Variants in PPL observed in about 807,000 individuals in gnomAD.
PPL encodes periplakin.
PPL carries 198 observed loss-of-function variants against 194.4 expected under a neutral mutation model. The observed-to-expected ratio is 1.02, with a 90% CI of 0.91 to 1.15. The LOEUF (loss-of-function observed/expected upper bound fraction) is 1.15. Among genes scored for constraint, PPL ranks in the 50% most tolerant of loss-of-function variants. PPL has a pLI of 0.00. For missense variants in PPL, 2,885 were observed against 2,294.8 expected (o/e 1.26, Z -5.25); for synonymous variants, 1,220 against 972.4 (o/e 1.25, Z -4.74).
Position 4,885,976 on chromosome 16 carries a change from C to G in PPL, c.2679G>C (p.Trp893Cys). Residue 893 changes from tryptophan to cysteine, a missense_variant, in exon 22 of 22, where the codon TGG (tryptophan) becomes TGC (cysteine). Physicochemically the swap from Trp to Cys is radical, Grantham distance 215. Transcript: ENST00000345988. This position sits in a 1 kb window ranked among gnomAD's most constrained non-coding sequence, Gnocchi z 6.3. ...NRPDSGVEEA[W>C]KIRKELDEET... is the part of the protein sequence containing the mutation. ...CCTCATCCAGTTCCTTCCTGATCTT[C>G]CACGCCTCCTCCACTCCAGAGTCCG... 6.2e-7 allele frequency: 1 copy of G among 1,611,058 alleles called. No homozygotes were observed. Among genetic ancestry groups the G allele is most frequent in the Non-Finnish European group, 8.5e-7 (1 of 1,180,042 alleles).
chr16:4,917,593 C>A (rs2088950987), intron 1 of PPL, among the ~76,000 whole-genome samples: 1 of 152,076 alleles, frequency 6.6e-6, no homozygotes, highest in Non-Finnish European at 1.5e-5. Context: ...GGCTGTACAA[C>A]TCTGTGACTA....
At chr16:4,920,641 T>G (rs2089031744) in intron 1 of PPL, among the ~76,000 whole-genome samples, 2 of 152,142 alleles carry the variant, frequency 1.3e-5, no homozygotes, top group Non-Finnish European at 2.9e-5. Context: ...TTTTGTATTT[T>G]TAGTAGAGAC....
intron 8 of PPL, 108 bp from the exon 9 acceptor site, chr16:4,897,878 G>T: frequency 2.4e-6 from 2 of 845,766 alleles, no homozygotes; most frequent in Non-Finnish European, 3.8e-6. Context: ...GAGGCATCTG[G>T]CATCTGTCTG....
chr16:4,928,896 A>G (rs1305418252), intron 1 of PPL, among the ~76,000 whole-genome samples: 1 of 151,748 alleles, frequency 6.6e-6, no homozygotes, highest in East Asian at 1.9e-4. Flanking sequence ...CTGTAATCCC[A>G]GCTACTTGGG....
At chr16:4,903,853 G>GCTC in intron 3 of PPL, 33 bp downstream of exon 3, 1 of 1,610,382 alleles carries the variant, frequency 6.2e-7, no homozygotes, top group Non-Finnish European at 8.5e-7. Context: ...GCCCCCAATG[G>GCTC]CTCCCCTGGG....
rs192905942 is a variant in PPL at position 4,890,178 on chromosome 16, T to C, written c.2313+6A>G. 1,500 of 1,614,132 alleles carry C rather than the reference T, an allele frequency of 9.3e-4. 2 individuals carry two copies. The highest frequency in any genetic ancestry group is 1.2e-3 in the Non-Finnish European group (1,371 of 1,180,030). ...GTGCCTGGGGCTGCGGAAACGGCCA[T>C]CTCACCTTCTGGTTCTTCAGCTTGG... On this transcript the variant is annotated splice_donor_region_variant and intron_variant, in intron 18 of 21. Coordinates refer to ENST00000345988, the MANE Select transcript of PPL (RefSeq NM_002705.5).
In PPL at chr16:4,890,743, T is replaced by C. The variant is rs774843315; in HGVS notation, c.2147A>G (p.Gln716Arg). Residue 716 changes from glutamine (Q) to arginine (R), a missense_variant, in exon 17 of 22, where the codon CAG becomes CGG. By Grantham distance (43) the Gln-to-Arg change is conservative (BLOSUM62 1). Coordinates refer to ENST00000345988, the MANE Select transcript of PPL (RefSeq NM_002705.5). ...KLGQRFNNLRQQVERRAQSLQ... is the reference protein window; with the variant it reads ...KLGQRFNNLRRQVERRAQSLQ... The stretch of plus-strand genomic sequence containing the variant: ...GCACCCTCACCTGCGTTCCACCTGC[T>C]GGCGCAGGTTGTTGAAACGCTGGCC... The C allele has an allele frequency of 3.1e-6, 5 of 1,607,060 alleles. No individual in the cohort carries two copies. In the South Asian group the frequency reaches 5.5e-5, roughly 18 times the overall value.
At chr16:4,912,835 G>A (rs949044646) in intron 1 of PPL, among the ~76,000 whole-genome samples, 2 of 152,208 alleles carry the variant, frequency 1.3e-5, no homozygotes, top group South Asian at 2.1e-4. Context: ...CCGGTGTGGT[G>A]GCTCATACCT....
chr16:4,921,331 G>A (rs1006561103), intron 1 of PPL, among the ~76,000 whole-genome samples: 2 of 152,222 alleles, frequency 1.3e-5, no homozygotes, highest in African/African-American at 4.8e-5. Flanking sequence ...GCTTGAGCCT[G>A]AACAGCCATC....
chr16:4,920,047 AG>A (rs780347438), intron 1 of PPL, among the ~76,000 whole-genome samples: 13 of 151,984 alleles, frequency 8.6e-5, no homozygotes, highest in Non-Finnish European at 1.6e-4. Context: ...GCACTTTGGG[AG>A]GCCGAGGCAG....
intron 20 of PPL, among the ~76,000 whole-genome samples, 159 bp downstream of exon 20, chr16:4,887,943 C>G (rs1406227812): frequency 2.6e-5 from 4 of 152,230 alleles, no homozygotes; most frequent in Admixed American, 2.0e-4. Context: ...GAACAAGTTC[C>G]TCATCTCTTA....
intron 11 of PPL, 35 bp from the exon 12 acceptor site, chr16:4,894,653 C>T: frequency 1.2e-6 from 2 of 1,603,172 alleles, no homozygotes; most frequent in Non-Finnish European, 1.7e-6. Flanking sequence ...AGGATCCCGG[C>T]AGGGCCTGAG....
chr16:4,904,631 C>T (rs930207891), intron 2 of PPL, among the ~76,000 whole-genome samples: 4 of 152,086 alleles, frequency 2.6e-5, no homozygotes, highest in African/African-American at 7.2e-5. Flanking sequence ...GAGCGAGCTA[C>T]GACTGGGCCA....
Position 4,910,939 on chromosome 16 carries a change from T to C in PPL, c.73A>G (p.Lys25Glu), listed in dbSNP as rs749755844. Residue 25 changes from lysine to glutamate, a missense_variant, in exon 2 of 22, where the codon AAG (lysine) becomes GAG (glutamate). Lys to Glu is a moderately conservative substitution (Grantham distance 56, BLOSUM62 1). Coordinates refer to ENST00000345988, the MANE Select transcript of PPL (RefSeq NM_002705.5). ...PTVQTRSISN[K>E]ELSELIEQLQ... ...TGCTCGATCAGCTCCGAGAGCTCCT[T>C]GTTAGAGATGCTGCGGGCAGAAGCC... 1.1e-5 allele frequency: 18 copies of C among 1,612,446 alleles called. No individual in the cohort carries two copies. Among genetic ancestry groups the C allele is most frequent in the Middle Eastern group, 1.7e-4 (1 of 6,010 alleles).
At chr16:4,893,487 AGC>A (rs1303955532) in intron 13 of PPL, 52 bp downstream of exon 13, 27 of 1,601,776 alleles carry the variant, frequency 1.7e-5, no homozygotes, top group Admixed American at 3.4e-5. Flanking sequence ...ACCCTGGTCC[AGC>A]CCCTCCTCCC....
rs369008059 is a variant in PPL at position 4,883,681 on chromosome 16, G to A, written c.4974C>T (p.Ile1658=). 9.9e-6 allele frequency: 16 copies of A among 1,614,110 alleles called. No individual in the cohort carries two copies. Among genetic ancestry groups the A allele is most frequent in the East Asian group, 8.9e-5 (4 of 44,876 alleles). ...GGCCTGTGTCAGGGTGGATGACTAC[G>A]ATGGAGCGCCGCAGGTGGTTCTCCC... is the stretch of plus-strand genomic sequence containing the variant. ...EQRENHLRRS[I]VVIHPDTGRE... is the part of the protein sequence containing the mutation. Residue 1658 remains isoleucine, a synonymous_variant, in exon 22 of 22, where the codon ATC becomes ATT. Coordinates refer to ENST00000345988, the MANE Select transcript of PPL (RefSeq NM_002705.5). The surrounding 1 kb of genome is among the most constrained non-coding windows in gnomAD (Gnocchi z 4.8).
intron 9 of PPL, among the ~76,000 whole-genome samples, chr16:4,896,938 G>GT (rs1393775806): frequency 6.6e-6 from 1 of 151,962 alleles, no homozygotes; most frequent in African/African-American, 2.4e-5. Context: ...CCCAGCCAGG[G>GT]TATAGGGTTT....
At chr16:4,887,887 C>T (rs562194941) in intron 20 of PPL, among the ~76,000 whole-genome samples, 13 of 152,212 alleles carry the variant, frequency 8.5e-5, no homozygotes, top group South Asian at 2.1e-4. Context: ...TGAGCCACTG[C>T]GCCCGGCCTT....
intron 6 of PPL, 91 bp from the exon 7 acceptor site, chr16:4,899,475 C>CTGGACTGAGGACAAGCCCAGCTATGGG (rs2088507289): frequency 8.5e-6 from 6 of 709,098 alleles, no homozygotes; most frequent in South Asian, 3.9e-5. Context: ...CCAGCTATGG[C>CTGGACTGAGGACAAGCCCAGCTATGGG]TGGCCTGAGG....
Sources: allele counts gnomAD v4.1 joint callset (sites outside exome capture counted in the v4.1 genomes callset), GRCh38; gene constraint gnomAD v4.1.1; non-coding constraint Gnocchi (gnomAD v3.1); transcripts MANE v1.5; gene names NCBI Gene and HGNC (gene_info 2026-07-23, HGNC 2026-07-21).